UGT1A3: variants seen among roughly 807,000 people sequenced by gnomAD.
UGT1A3 encodes the protein UDP-glucuronosyltransferase 1A3.
A neutral mutation model predicts 41.0 loss-of-function variants in UGT1A3; 31 were observed. That is an observed-to-expected ratio of 0.76 (90% CI 0.57 to 1.02). The LOEUF is 1.02. Ranked by LOEUF, UGT1A3 falls within the 50% of genes least tolerant of loss-of-function variation. UGT1A3 has a pLI of 0.00. For missense variants in UGT1A3, 737 were observed against 671.0 expected (o/e 1.10, Z -1.09); for synonymous variants, 262 against 257.6 (o/e 1.02, Z -0.17).
At chr2:233,770,517 G>A (rs1365458811) in intron 4 of UGT1A3, 2 of 152,204 alleles carry the variant, frequency 1.3e-5, no homozygotes, top group African/African-American at 4.8e-5. Flanking sequence ...AATTACCCAG[G>A]CATGGTGGTG....
chr2:233,772,248 G>C lies in UGT1A3; in HGVS notation c.1308-14G>C. 2 of 1,614,220 alleles carry C rather than the reference G, an allele frequency of 1.2e-6. No homozygotes were observed. Among genetic ancestry groups the C allele is most frequent in the Non-Finnish European group, 1.7e-6 (2 of 1,180,034 alleles). ...CAGGTGTTCCAGGCATAACGAAACT[G>C]TCTTTGTGTTTAGTTACAAGGAGAA... On this transcript the variant is annotated splice_polypyrimidine_tract_variant and intron_variant, in intron 4 of 4. Transcript: ENST00000482026.
At position 233,772,409 on chromosome 2, in the gene UGT1A3, C is replaced by T. The variant is rs147132183; in HGVS notation, c.1455C>T (p.Tyr485=). The part of the protein sequence containing the change: ...LRPAAHDLTW[Y]QYHSLDVIGF... ...CCGCAGCCCACGACCTCACCTGGTA[C>T]CAGTACCATTCCTTGGACGTGATTG... is the stretch of plus-strand genomic sequence containing the variant. Residue 485 remains tyrosine (Y), a synonymous_variant, in exon 5 of 5, where the codon TAC becomes TAT. Coordinates refer to ENST00000482026, the MANE Select transcript of UGT1A3 (RefSeq NM_019093.4). 8.1e-6 allele frequency: 13 copies of T among 1,614,110 alleles called. No homozygotes were observed. In the African/African-American group the frequency reaches 1.2e-4, roughly 15 times the overall value.
chr2:233,754,995 C>G (rs769077985), intron 1 of UGT1A3: 1 of 1,295,418 alleles, frequency 7.7e-7, no homozygotes, highest in Non-Finnish European at 1.0e-6. Flanking sequence ...GTCACGGAAG[C>G]TGAAGACCTA....
intron 1 of UGT1A3, among the ~76,000 whole-genome samples, chr2:233,740,427 G>A (rs1010864100): frequency 1.4e-4 from 22 of 151,978 alleles, no homozygotes; most frequent in Admixed American, 1.4e-3. Flanking sequence ...CCTGTTTGGA[G>A]ACAGAAAGTG....
At position 233,729,976 on chromosome 2, in the gene UGT1A3, A is replaced by G. The variant is rs201645683; in HGVS notation, c.850A>G (p.Arg284Gly). The G allele has an allele frequency of 5.4e-5, 87 of 1,614,040 alleles. No individual in the cohort carries two copies. The highest frequency in any genetic ancestry group is 3.6e-4 in the East Asian group (16 of 44,888). Residue 284 changes from arginine to glycine, a missense_variant, in exon 1 of 5, where the codon AGG (arginine) becomes GGG (glycine). Transcript: ENST00000482026. ...CATTGGGGGCATCAACTGTGCCAACAGGAAGCCACTATCTCAGGTCTGTAT... is the reference window on the plus strand; with the variant it reads ...CATTGGGGGCATCAACTGTGCCAACGGGAAGCCACTATCTCAGGTCTGTAT... Reference protein sequence around the residue: ...VFIGGINCANRKPLSQEFEAY... With the variant: ...VFIGGINCANGKPLSQEFEAY...
At chr2:233,760,612 G>C in intron 1 of UGT1A3, 1 of 1,614,218 alleles carries the variant, frequency 6.2e-7, no homozygotes, top group South Asian at 1.1e-5. Flanking sequence ...CCTGCAGCGT[G>C]TGATCAAAAC....
chr2:233,732,301 C>A (rs2078258261), intron 1 of UGT1A3, among the ~76,000 whole-genome samples: 1 of 152,184 alleles, frequency 6.6e-6, no homozygotes, highest in South Asian at 2.1e-4. Flanking sequence ...TTAATTAGAT[C>A]CCATTTGTCT....
intron 1 of UGT1A3, chr2:233,754,561 A>G (rs1695515427): frequency 2.5e-6 from 1 of 393,304 alleles, no homozygotes; most frequent in Non-Finnish European, 5.1e-6. Context: ...GTCAATGGGG[A>G]GCAACTGCTC....
At chr2:233,759,114 A>T (rs1268154790) in intron 1 of UGT1A3, among the ~76,000 whole-genome samples, 1 of 152,228 alleles carries the variant, frequency 6.6e-6, no homozygotes, top group Non-Finnish European at 1.5e-5. Context: ...CAAACCAGGG[A>T]GTTACAGCCT....
chr2:233,750,414 G>GC (rs765395041), intron 1 of UGT1A3, among the ~76,000 whole-genome samples: 4 of 151,922 alleles, frequency 2.6e-5, no homozygotes, highest in Non-Finnish European at 5.9e-5. Flanking sequence ...CCATGTGGTA[G>GC]AAAAGAAAAA....
At chr2:233,758,212 G>A (rs377480824) in intron 1 of UGT1A3, among the ~76,000 whole-genome samples, 4 of 152,326 alleles carry the variant, frequency 2.6e-5, no homozygotes, top group African/African-American at 9.6e-5. Context: ...GTTCTCTGTT[G>A]TAATTCATGA....
chr2:233,734,221 A>G (rs1167860302), intron 1 of UGT1A3, among the ~76,000 whole-genome samples: 2 of 152,172 alleles, frequency 1.3e-5, no homozygotes, highest in Non-Finnish European at 2.9e-5. Flanking sequence ...TGGTCTATTC[A>G]GAGATTCAAC....
At chr2:233,765,849 A>G (rs548142757) in intron 1 of UGT1A3, among the ~76,000 whole-genome samples, 8 of 152,220 alleles carry the variant, frequency 5.3e-5, no homozygotes, top group African/African-American at 1.7e-4. Flanking sequence ...TGTCCCCCTC[A>G]CAGAGCATGT....
At chr2:233,752,177 T>C (rs1381514307) in intron 1 of UGT1A3, among the ~76,000 whole-genome samples, 5 of 152,176 alleles carry the variant, frequency 3.3e-5, no homozygotes, top group Non-Finnish European at 7.3e-5. Context: ...TGATGTAAGC[T>C]GAATTAAAAT....
rs149856651 is a variant in UGT1A3 at position 233,729,965 on chromosome 2, A to G, written c.839A>G (p.Asn280Ser). 8 of 1,613,950 alleles carry G rather than the reference A, an allele frequency of 5.0e-6. No individual in the cohort carries two copies. In the African/African-American group the frequency reaches 9.3e-5, roughly 19 times the overall value. Reference sequence around the variant, plus strand: ...AACATGGTCTTCATTGGGGGCATCAACTGTGCCAACAGGAAGCCACTATCT... The same window carrying G: ...AACATGGTCTTCATTGGGGGCATCAGCTGTGCCAACAGGAAGCCACTATCT... ...MPNMVFIGGI[N>S]CANRKPLSQE... Residue 280 changes from asparagine (N) to serine (S), a missense_variant, in exon 1 of 5, where the codon AAC becomes AGC. By Grantham distance (46) the Asn-to-Ser change is conservative. Coordinates refer to ENST00000482026, the MANE Select transcript of UGT1A3 (RefSeq NM_019093.4).
intron 1 of UGT1A3, chr2:233,744,007 G>A: frequency 8.6e-7 from 1 of 1,163,688 alleles, no homozygotes; most frequent in Non-Finnish European, 1.1e-6. Flanking sequence ...TCGGAGACCT[G>A]GGCCGCCTGG....
Position 233,729,392 on chromosome 2 carries a change from T to C in UGT1A3, c.266T>C (p.Phe89Ser). ...TYAISWTQDE[F>S]DRHVLGHTQL... The stretch of plus-strand genomic sequence containing the variant: ...GCCATTTCGTGGACCCAGGATGAAT[T>C]TGATCGCCATGTGCTGGGCCACACT... Residue 89 changes from phenylalanine (F) to serine (S), a missense_variant, in exon 1 of 5, where the codon TTT becomes TCT. Phe to Ser is a radical substitution (Grantham distance 155). Transcript: ENST00000482026. 1 of 1,613,876 alleles carries C rather than the reference T, an allele frequency of 6.2e-7. No individual in the cohort carries two copies. Among genetic ancestry groups the C allele is most frequent in the Non-Finnish European group, 8.5e-7 (1 of 1,179,820 alleles).
At chr2:233,753,891 G>C (rs2125923136) in intron 1 of UGT1A3, among the ~76,000 whole-genome samples, 1 of 152,280 alleles carries the variant, frequency 6.6e-6, no homozygotes, top group East Asian at 1.9e-4. Context: ...CCTTCAGAAG[G>C]AACATGCTTC....
At chr2:233,735,660 T>C (rs2078678346) in intron 1 of UGT1A3, among the ~76,000 whole-genome samples, 1 of 152,214 alleles carries the variant, frequency 6.6e-6, no homozygotes, top group South Asian at 2.1e-4. Flanking sequence ...GGTGTTTCTT[T>C]CCATGTTTAG....
Sources: gnomAD v4.1 joint callset for allele counts (sites outside exome capture counted in the v4.1 genomes callset) on GRCh38, gnomAD v4.1.1 for gene constraint, MANE v1.5 for transcripts, NCBI Gene and HGNC (gene_info 2026-07-23, HGNC 2026-07-21) for gene names.